TAFA1: variants seen among roughly 807,000 people sequenced by gnomAD.
TAFA1 encodes chemokine-like protein TAFA-1.
In TAFA1, 4 loss-of-function variants were observed where a neutral mutation model predicts 18.5. That is an observed-to-expected ratio of 0.22 (90% CI 0.11 to 0.49). TAFA1 has a LOEUF of 0.49. Among genes scored for constraint, TAFA1 ranks in the 20% least tolerant of loss-of-function variants. The pLI is 0.98. For missense variants in TAFA1, 147 were observed against 169.0 expected (o/e 0.87, Z 0.72); for synonymous variants, 56 against 55.2 (o/e 1.01, Z -0.06).
chr3:68,521,332 C>A (rs184075189), intron 3 of TAFA1, among the ~76,000 whole-genome samples: 4 of 152,114 alleles, frequency 2.6e-5, no homozygotes, highest in African/African-American at 9.7e-5. Flanking sequence ...TTTGAAGTTC[C>A]GCTGCTGGAG....
chr3:68,515,878 G>A (rs139290402), intron 3 of TAFA1, among the ~76,000 whole-genome samples: 38 of 152,192 alleles, frequency 2.5e-4, no homozygotes, highest in African/African-American at 8.2e-4. Flanking sequence ...CTGTGAACAC[G>A]AGCTCCTCTT....
chr3:68,328,793 G>T (rs2068815224), intron 2 of TAFA1, among the ~76,000 whole-genome samples: 1 of 151,958 alleles, frequency 6.6e-6, no homozygotes, highest in African/African-American at 2.4e-5. Flanking sequence ...CATCTCTGAA[G>T]AGCAGAAACA....
At chr3:68,268,525 AT>A (rs914441399) in intron 2 of TAFA1, among the ~76,000 whole-genome samples, 1 of 151,990 alleles carries the variant, frequency 6.6e-6, no homozygotes, top group Non-Finnish European at 1.5e-5. Context: ...TATTATCATC[AT>A]TTTTTCTCCC....
chr3:68,200,848 T>A (rs2107038720), intron 2 of TAFA1, among the ~76,000 whole-genome samples: 1 of 151,804 alleles, frequency 6.6e-6, no homozygotes, highest in South Asian at 2.1e-4. Context: ...ATGTTTTTAA[T>A]GTTATTGATT....
At chr3:68,374,136 G>A (rs1471956777) in intron 2 of TAFA1, among the ~76,000 whole-genome samples, 1 of 152,058 alleles carries the variant, frequency 6.6e-6, no homozygotes, top group East Asian at 1.9e-4. Flanking sequence ...CATCCCACAT[G>A]GTGAAACGTA....
chr3:68,022,714 T>A (rs1423608118), intron 2 of TAFA1, among the ~76,000 whole-genome samples: 1 of 150,946 alleles, frequency 6.6e-6, no homozygotes, highest in Non-Finnish European at 1.5e-5. Flanking sequence ...TTATCATGAA[T>A]TAATGCTTGT....
chr3:68,119,235 T>C (rs932814041), intron 2 of TAFA1, among the ~76,000 whole-genome samples: 2 of 152,158 alleles, frequency 1.3e-5, no homozygotes, highest in Non-Finnish European at 2.9e-5. Context: ...TTTGGTTTTG[T>C]TGTTGCTGTT....
At chr3:68,216,251 G>A (rs559759262) in intron 2 of TAFA1, among the ~76,000 whole-genome samples, 7 of 152,058 alleles carry the variant, frequency 4.6e-5, no homozygotes, top group African/African-American at 1.2e-4. Flanking sequence ...ATGACAAAAC[G>A]CATTTGTCAA....
intron 2 of TAFA1, among the ~76,000 whole-genome samples, chr3:68,018,884 T>C (rs1704623436): frequency 1.3e-5 from 2 of 152,250 alleles, no homozygotes; most frequent in South Asian, 2.1e-4. Context: ...GAGTGCTTGC[T>C]GTATACAAGC....
chr3:68,270,698 G>A (rs1437810279), intron 2 of TAFA1, among the ~76,000 whole-genome samples: 2 of 152,148 alleles, frequency 1.3e-5, no homozygotes, highest in African/African-American at 4.8e-5. Flanking sequence ...CTGATCCTGT[G>A]GATGAAGGAA....
At chr3:68,383,389 C>T (rs759182937) in intron 2 of TAFA1, among the ~76,000 whole-genome samples, 17 of 152,110 alleles carry the variant, frequency 1.1e-4, no homozygotes, top group Non-Finnish European at 1.9e-4. Flanking sequence ...GAGTTTTTAA[C>T]ATGAAGCAAT....
At chr3:68,512,256 T>C (rs1483219178) in intron 3 of TAFA1, among the ~76,000 whole-genome samples, 2 of 152,152 alleles carry the variant, frequency 1.3e-5, no homozygotes, top group African/African-American at 4.8e-5. Context: ...TGTATTTGCT[T>C]CCCACAATAT....
chr3:68,376,802 A>G (rs559302828), intron 2 of TAFA1, among the ~76,000 whole-genome samples: 1 of 152,256 alleles, frequency 6.6e-6, no homozygotes, highest in Non-Finnish European at 1.5e-5. Flanking sequence ...GTCCCCACCC[A>G]AATCTCATAT....
chr3:68,450,471 G>A (rs1011202346), intron 3 of TAFA1, among the ~76,000 whole-genome samples: 2 of 152,166 alleles, frequency 1.3e-5, no homozygotes, highest in Non-Finnish European at 2.9e-5. Context: ...CCATGAAAGT[G>A]AATTCTATCA....
chr3:68,479,885 C>T (rs1273763168), intron 3 of TAFA1, among the ~76,000 whole-genome samples: 1 of 152,196 alleles, frequency 6.6e-6, no homozygotes, highest in Admixed American at 6.5e-5. Context: ...CGCATACACA[C>T]ACACACACAC....
chr3:68,052,922 A>G (rs1259685017), intron 2 of TAFA1, among the ~76,000 whole-genome samples: 4 of 152,186 alleles, frequency 2.6e-5, no homozygotes, highest in Non-Finnish European at 5.9e-5. Context: ...AAGATTTATA[A>G]TCTCTACTGG....
chr3:68,275,891 T>A (rs778849136), intron 2 of TAFA1, among the ~76,000 whole-genome samples: 1 of 152,144 alleles, frequency 6.6e-6, no homozygotes, highest in Non-Finnish European at 1.5e-5. Flanking sequence ...CTGAGCCTGC[T>A]GTTTGCTAAG....
chr3:68,185,187 G>A (rs1311796763), intron 2 of TAFA1, among the ~76,000 whole-genome samples: 1 of 152,112 alleles, frequency 6.6e-6, no homozygotes, highest in Non-Finnish European at 1.5e-5. Flanking sequence ...CTGAGGAAGT[G>A]ACATTTAAAG....
chr3:68,019,808 C>A (rs921783131), intron 2 of TAFA1, among the ~76,000 whole-genome samples: 1 of 152,110 alleles, frequency 6.6e-6, no homozygotes, highest in African/African-American at 2.4e-5. Context: ...CCCTGTCTTC[C>A]AAAGATAGCC....
Sources: gnomAD v4.1 joint callset for allele counts (sites outside exome capture counted in the v4.1 genomes callset) on GRCh38, gnomAD v4.1.1 for gene constraint, MANE v1.5 for transcripts, NCBI Gene and HGNC (gene_info 2026-07-23, HGNC 2026-07-21) for gene names.